DRC8: variants seen among roughly 807,000 people sequenced by gnomAD.
DRC8 encodes the protein dynein regulatory complex protein 8.
At chr1:245,036,306 A>G in the DRC8 span, among the ~76,000 whole-genome samples, 685 of 152,360 alleles carry the variant, frequency 4.5e-3, 7 homozygotes, top group African/African-American at 0.016. Flanking sequence ...CATCAGGGAA[A>G]TGCAAATCAA....
At chr1:245,045,476 C>T in the DRC8 span, among the ~76,000 whole-genome samples, 1 of 152,214 alleles carries the variant, frequency 6.6e-6, no homozygotes, top group Non-Finnish European at 1.5e-5. Context: ...TGGGCCAGAG[C>T]AGCAGCTCCA....
the DRC8 span, among the ~76,000 whole-genome samples, chr1:245,060,727 C>T: frequency 5.3e-5 from 8 of 152,194 alleles, no homozygotes; most frequent in East Asian, 1.9e-4. Context: ...ATCACATGCT[C>T]AGGATAGTAA....
the DRC8 span, among the ~76,000 whole-genome samples, chr1:245,098,317 G>A: frequency 6.6e-6 from 1 of 152,118 alleles, no homozygotes; most frequent in African/African-American, 2.4e-5. Flanking sequence ...AGAGCCTGGG[G>A]TTGGAGTGGT....
the DRC8 span, among the ~76,000 whole-genome samples, chr1:245,112,850 T>C: frequency 2.0e-5 from 3 of 150,734 alleles, no homozygotes; most frequent in Non-Finnish European, 3.0e-5. Flanking sequence ...GCCTCCTGAG[T>C]TCAAGCAGTT....
At chr1:245,019,842 G>A in the DRC8 span, among the ~76,000 whole-genome samples, 1 of 152,192 alleles carries the variant, frequency 6.6e-6, no homozygotes, top group Non-Finnish European at 1.5e-5. Flanking sequence ...GTGTGCACCT[G>A]TAGTCCCAGC....
the DRC8 span, among the ~76,000 whole-genome samples, chr1:245,077,005 G>C: frequency 6.6e-6 from 1 of 152,114 alleles, no homozygotes; most frequent in African/African-American, 2.4e-5. Flanking sequence ...GATTACAGGC[G>C]TGAAATACAG....
At chr1:245,003,224 A>G in the DRC8 span, among the ~76,000 whole-genome samples, 1 of 152,138 alleles carries the variant, frequency 6.6e-6, no homozygotes, top group Non-Finnish European at 1.5e-5. Flanking sequence ...CCTTCTGTCT[A>G]TTGTGAATAA....
chr1:245,068,112 A>G, the DRC8 span, among the ~76,000 whole-genome samples: 4 of 152,226 alleles, frequency 2.6e-5, no homozygotes, highest in Admixed American at 6.5e-5. Flanking sequence ...ATTGGTAGGA[A>G]AACATTTAAC....
chr1:244,974,282 A>T, the DRC8 span, among the ~76,000 whole-genome samples: 1 of 152,190 alleles, frequency 6.6e-6, no homozygotes, highest in African/African-American at 2.4e-5. Context: ...TTCTGTTTGT[A>T]ATTAGACTCA....
the DRC8 span, among the ~76,000 whole-genome samples, chr1:245,115,822 G>A: frequency 1.3e-5 from 2 of 152,004 alleles, no homozygotes; most frequent in African/African-American, 4.8e-5. Context: ...GCCGTGGCTC[G>A]GCAGGAGGAT....
At chr1:244,971,618 G>C in the DRC8 span, among the ~76,000 whole-genome samples, 1 of 152,162 alleles carries the variant, frequency 6.6e-6, no homozygotes, top group Non-Finnish European at 1.5e-5. Flanking sequence ...TTCGTCCTTT[G>C]TTTTCTTTCT....
chr1:244,985,097 T>TCAC, the DRC8 span, among the ~76,000 whole-genome samples: 1 of 146,370 alleles, frequency 6.8e-6, no homozygotes, highest in South Asian at 2.1e-4. Flanking sequence ...TTTTTTTTTT[T>TCAC]TCTGATTACA....
the DRC8 span, among the ~76,000 whole-genome samples, chr1:245,113,025 A>G: frequency 1.3e-5 from 2 of 152,186 alleles, no homozygotes; most frequent in Non-Finnish European, 2.9e-5. Flanking sequence ...AAGTGTTGGG[A>G]TTACAGGCGT....
At chr1:244,972,487 C>G in the DRC8 span, among the ~76,000 whole-genome samples, 1 of 152,184 alleles carries the variant, frequency 6.6e-6, no homozygotes, top group Non-Finnish European at 1.5e-5. Flanking sequence ...ATGAATCAGT[C>G]TTCATTTTAA....
At chr1:245,086,878 C>T in the DRC8 span, 1 of 516,696 alleles carries the variant, frequency 1.9e-6, no homozygotes. Context: ...ATCTTCCTTC[C>T]ATCTTTCATC....
the DRC8 span, among the ~76,000 whole-genome samples, chr1:244,996,070 T>G: frequency 8.0e-3 from 1,220 of 152,306 alleles, 17 homozygotes; most frequent in African/African-American, 0.028. Context: ...CACAGTTTCT[T>G]AGGGTCAGGA....
At chr1:245,043,411 C>A in the DRC8 span, among the ~76,000 whole-genome samples, 4 of 148,870 alleles carry the variant, frequency 2.7e-5, no homozygotes, top group East Asian at 7.8e-4. Flanking sequence ...CCAGCCTGGG[C>A]GACAGAGCGA....
chr1:245,104,552 G>A, the DRC8 span, among the ~76,000 whole-genome samples: 6 of 150,864 alleles, frequency 4.0e-5, no homozygotes, highest in Admixed American at 3.3e-4. Context: ...ATGGACCCCC[G>A]TGTATTTATT....
the DRC8 span, among the ~76,000 whole-genome samples, chr1:244,990,804 T>C: frequency 6.6e-6 from 1 of 151,658 alleles, no homozygotes; most frequent in African/African-American, 2.4e-5. Context: ...CCTGGCCTAA[T>C]GTGGGTGGTG....
Sources: gnomAD v4.1 joint callset for allele counts (sites outside exome capture counted in the v4.1 genomes callset) on GRCh38, gnomAD v4.1.1 for gene constraint, MANE v1.5 for transcripts, NCBI Gene and HGNC (gene_info 2026-07-23, HGNC 2026-07-21) for gene names.